The following LHX8 variants were observed in gnomAD, a reference collection of about 807,000 sequenced individuals.
LHX8 encodes the protein LIM homeobox 8.
In LHX8, 12 loss-of-function variants were observed where a neutral mutation model predicts 40.3. The ratio of observed to expected loss-of-function variants is 0.30; its 90% confidence interval spans 0.19 to 0.48. The LOEUF (loss-of-function observed/expected upper bound fraction) is 0.48, where lower values mean the gene tolerates loss of function less well. Ranked by LOEUF, LHX8 falls within the 20% of genes least tolerant of loss-of-function variation. The pLI is 0.99. For missense variants in LHX8, 344 were observed against 433.7 expected, an observed-to-expected ratio of 0.79 and a Z score of 1.84; for synonymous variants, 179 against 162.0, an observed-to-expected ratio of 1.10 and a Z score of -0.80.
At chr1:75,164,423 C>T (rs1648990527), downstream of LHX8, among the ~76,000 whole-genome samples, 1 of 152,114 alleles carries the variant, frequency 6.6e-6, no homozygotes, top group Admixed American at 6.5e-5. Context: ...GTGAAGGCAT[C>T]TTTGTGGCTA....
chr1:75,160,719 A>G, intron 8 of LHX8, 100 bp from the exon 9 acceptor site: 2 of 816,786 alleles, frequency 2.4e-6, no homozygotes, highest in Non-Finnish European at 4.3e-6. Flanking sequence ...CTCAGCTATA[A>G]TGAGTGATGA....
chr1:75,155,143 A>G (rs1227758877), intron 7 of LHX8, among the ~76,000 whole-genome samples: 3 of 151,160 alleles, frequency 2.0e-5, no homozygotes, highest in Non-Finnish European at 4.4e-5. Flanking sequence ...CTAAGTTTTT[A>G]TCCCTTCGCC....
chr1:75,163,069 T>C (rs1368736949), downstream of LHX8, among the ~76,000 whole-genome samples: 2 of 150,238 alleles, frequency 1.3e-5, no homozygotes, highest in Non-Finnish European at 3.0e-5. Flanking sequence ...AACATTGAAA[T>C]GGAAGTCACA....
the LHX8 span, among the ~76,000 whole-genome samples, chr1:75,189,943 A>G: frequency 2.0e-5 from 3 of 152,200 alleles, no homozygotes; most frequent in Non-Finnish European, 4.4e-5. Context: ...TTTTTTATTC[A>G]TTAACAATTG....
At chr1:75,179,502 G>GTTTTTTTT in the LHX8 span, among the ~76,000 whole-genome samples, 155 of 108,288 alleles carry the variant, frequency 1.4e-3, no homozygotes, top group Non-Finnish European at 1.7e-3. Context: ...AACCCCTGTT[G>GTTTTTTTT]TTTTTTTTTT....
upstream of LHX8, among the ~76,000 whole-genome samples, chr1:75,132,126 C>A (rs893536658): frequency 1.3e-5 from 2 of 152,148 alleles, no homozygotes; most frequent in African/African-American, 4.8e-5. Context: ...TTGCCCCAGC[C>A]GAGGATGAGC....
At chr1:75,160,664 T>C (rs1013530652) in intron 8 of LHX8, 155 bp from the exon 9 acceptor site, 1 of 681,722 alleles carries the variant, frequency 1.5e-6, no homozygotes, top group Middle Eastern at 2.5e-4. Context: ...GCTGAATAGG[T>C]TAATGCTTCT....
chr1:75,140,956 T>C, intron 3 of LHX8, 29 bp from the exon 4 acceptor site: 2 of 1,612,384 alleles, frequency 1.2e-6, no homozygotes, highest in South Asian at 1.1e-5. Context: ...TTAAATATGA[T>C]ATTACAATGG....
chr1:75,134,105 C>A (rs1009228883), upstream of LHX8, among the ~76,000 whole-genome samples: 2 of 151,800 alleles, frequency 1.3e-5, no homozygotes, highest in African/African-American at 2.4e-5. Flanking sequence ...GGTTGGGGAG[C>A]GAGAATTTAA....
chr1:75,138,118 C>T (rs1370847195), intron 3 of LHX8, among the ~76,000 whole-genome samples: 3 of 152,114 alleles, frequency 2.0e-5, no homozygotes, highest in South Asian at 2.1e-4. Context: ...TTTTGGCAGG[C>T]CACAGTTATC....
chr1:75,188,847 GA>G, the LHX8 span, among the ~76,000 whole-genome samples: 2 of 152,076 alleles, frequency 1.3e-5, no homozygotes, highest in Non-Finnish European at 1.5e-5. Context: ...TCACAGCTTT[GA>G]GCTTTCAGCC....
At chr1:75,177,144 CT>C in the LHX8 span, among the ~76,000 whole-genome samples, 1 of 152,108 alleles carries the variant, frequency 6.6e-6, no homozygotes, top group Non-Finnish European at 1.5e-5. Context: ...TTAGGATTGT[CT>C]TGGCAATGTG....
rs535694435 is a variant in LHX8, at chr1:75,134,715, G to A, written c.-252G>A. Among the ~76,000 whole-genome samples, 75 of 152,268 alleles carry A rather than the reference G, an allele frequency of 4.9e-4. No homozygotes were observed. Among genetic ancestry groups the A allele is most frequent in the Non-Finnish European group, 7.4e-5 (5 of 68,008 alleles). ...CCCCTGAGAAGGTGAGCGAGCCGAC[G>A]CCTGGCCAGACCAGCTGAATCGCAG... On this transcript the variant is annotated 5_prime_UTR_variant, in exon 1 of 9. Coordinates refer to ENST00000356261, the MANE Select transcript of LHX8 (RefSeq NM_001256114.2).
intron 7 of LHX8, among the ~76,000 whole-genome samples, chr1:75,153,835 G>A (rs530674544): frequency 6.6e-6 from 1 of 152,298 alleles, no homozygotes; most frequent in South Asian, 2.1e-4. Flanking sequence ...GTTCATGGGA[G>A]ATAGGGTTTT....
At chr1:75,135,694 C>T (rs2100328786) in intron 1 of LHX8, among the ~76,000 whole-genome samples, 2 of 152,338 alleles carry the variant, frequency 1.3e-5, no homozygotes, top group Admixed American at 1.3e-4. Context: ...AAGAACAAAA[C>T]TCCAGCAAAT....
chr1:75,156,190 T>G (rs1648759199), intron 7 of LHX8, among the ~76,000 whole-genome samples: 1 of 148,254 alleles, frequency 6.7e-6, no homozygotes, highest in Non-Finnish European at 1.5e-5. Context: ...ATGGAGTTTT[T>G]GGGGTACTTT....
upstream of LHX8, chr1:75,130,760 G>A (rs367721182): frequency 1.1e-4 from 182 of 1,611,168 alleles, no homozygotes; most frequent in African/African-American, 2.2e-3. Context: ...ACCTCTAGAA[G>A]CAATCTCCTA....
the LHX8 span, among the ~76,000 whole-genome samples, chr1:75,197,220 C>T: frequency 6.6e-6 from 1 of 151,982 alleles, no homozygotes; most frequent in Non-Finnish European, 1.5e-5. Context: ...TTTTTTGCTC[C>T]ATTAACTTAA....
At chr1:75,129,995 A>G (rs1377800771), upstream of LHX8, 1 of 152,276 alleles carries the variant, frequency 6.6e-6, no homozygotes, top group Non-Finnish European at 1.5e-5. Flanking sequence ...TCAGGTTTCC[A>G]TTGGTCCTGA....
Sources: allele counts gnomAD v4.1 joint callset (sites outside exome capture counted in the v4.1 genomes callset), GRCh38; gene constraint gnomAD v4.1.1; transcripts MANE v1.5; gene names NCBI Gene and HGNC (gene_info 2026-07-23, HGNC 2026-07-21).